The following XPO5 variants were observed in gnomAD, a reference collection of about 807,000 sequenced individuals.
XPO5 encodes the protein exportin 5, also known as exportin-5.
XPO5 carries 46 observed loss-of-function variants against 160.6 expected under a neutral mutation model. The ratio of observed to expected loss-of-function variants is 0.29; its 90% CI spans 0.23 to 0.37. XPO5 has a LOEUF of 0.37. XPO5 is among the 10% of genes least tolerant of loss of function. The pLI is 1.00. For synonymous variants in XPO5, 537 were observed against 519.3 expected (o/e 1.03, Z -0.46); for missense variants, 1,090 against 1,463.9 (o/e 0.74, Z 4.17).
chr6:43,562,333 C>G lies in XPO5; in HGVS notation c.925G>C (p.Gly309Arg). ...ACGTAGTGTTTTTCTACCAAACCTC[C>G]TCCATCAGCAGTCCTGTAAGATGAG... ...ILSAAQTADG[G>R]GLVEKHYVFL... is the part of the protein sequence containing the mutation. Residue 309 changes from glycine (G) to arginine (R), a missense_variant, in exon 9 of 32, where the codon GGA becomes CGA. By Grantham distance (125) the Gly-to-Arg change is moderately radical (BLOSUM62 -2). Transcript: ENST00000265351. 1 of 1,607,850 alleles carries G rather than the reference C, an allele frequency of 6.2e-7. No homozygotes were observed. The highest frequency in any genetic ancestry group is 8.5e-7 in the Non-Finnish European group (1 of 1,177,234).
At chr6:43,536,223 T>C (rs1290129507) in intron 20 of XPO5, among the ~76,000 whole-genome samples, 2 of 152,012 alleles carry the variant, frequency 1.3e-5, no homozygotes, top group Non-Finnish European at 2.9e-5. Flanking sequence ...GAGACCAGCC[T>C]GGCCAACATG....
chr6:43,549,659 G>A, intron 16 of XPO5, 81 bp from the exon 17 acceptor site: 1 of 1,473,042 alleles, frequency 6.8e-7, no homozygotes, highest in East Asian at 2.3e-5. Flanking sequence ...GAATATCTCA[G>A]TCAGGGGCAA....
At chr6:43,526,970 G>A in intron 26 of XPO5, 1 of 540,090 alleles carries the variant, frequency 1.9e-6, no homozygotes, top group Non-Finnish European at 3.4e-6. Context: ...GAAAATTACA[G>A]AATTCTCTGA....
intron 7 of XPO5, among the ~76,000 whole-genome samples, chr6:43,566,816 A>C (rs1225484386): frequency 6.0e-5 from 9 of 150,310 alleles, no homozygotes; most frequent in Non-Finnish European, 1.3e-4. Flanking sequence ...TCAATTAAAA[A>C]AAAAAAAAAA....
chr6:43,560,146 A>G (rs1279708334), intron 11 of XPO5, 32 bp downstream of exon 11: 2 of 1,606,290 alleles, frequency 1.2e-6, no homozygotes, highest in African/African-American at 1.3e-5. Context: ...GTATTCACCT[A>G]CATTCCACAT....
Position 43,553,403 on chromosome 6 carries a change from G to A in XPO5, c.1542C>T (p.Ile514=). The change falls in exon 14 of 32, where the codon ATC becomes ATT. Residue 514 remains isoleucine, a synonymous_variant. Coordinates refer to ENST00000265351, the MANE Select transcript of XPO5 (RefSeq NM_020750.3). ...EAMTLFLESV[I]TQMFRTLNRE... is the part of the protein sequence containing the mutation. ...TATTTAGTGTTCGAAACATCTGGGT[G>A]ATAACACTTTCCAAAAAAAGAGTCA... 2 of 1,607,832 alleles carry A rather than the reference G, an allele frequency of 1.2e-6. No homozygotes were observed. Among genetic ancestry groups the A allele is most frequent in the Non-Finnish European group, 1.7e-6 (2 of 1,176,998 alleles).
chr6:43,560,426 C>T, intron 10 of XPO5, 123 bp from the exon 11 acceptor site: 1 of 1,237,340 alleles, frequency 8.1e-7, no homozygotes, highest in East Asian at 2.6e-5. Flanking sequence ...TTGAAGCTGT[C>T]TCTACTGCAA....
intron 5 of XPO5, among the ~76,000 whole-genome samples, chr6:43,569,910 C>G: frequency 6.6e-6 from 1 of 150,890 alleles, no homozygotes; most frequent in East Asian, 1.9e-4. Context: ...CAGCGAAACT[C>G]CATCTCTACT....
At chr6:43,565,833 T>A (rs1762669304) in intron 7 of XPO5, 97 bp from the exon 8 acceptor site, 1 of 944,698 alleles carries the variant, frequency 1.1e-6, no homozygotes, top group African/African-American at 1.7e-5. Flanking sequence ...ACTTCATAAT[T>A]TCTTATATAC....
intron 31 of XPO5, among the ~76,000 whole-genome samples, 181 bp downstream of exon 31, chr6:43,524,290 T>G (rs1212175784): frequency 1.3e-5 from 2 of 150,660 alleles, no homozygotes; most frequent in Non-Finnish European, 2.9e-5. Flanking sequence ...AGGCGGAGGT[T>G]GTGGTGAGCT....
intron 7 of XPO5, chr6:43,566,703 G>T: frequency 3.2e-6 from 1 of 308,462 alleles, no homozygotes; most frequent in South Asian, 2.5e-5. Flanking sequence ...CTAGCTACTC[G>T]GGAAGCTGAG....
chr6:43,542,003 C>T (rs974033608), intron 20 of XPO5, among the ~76,000 whole-genome samples: 1 of 152,160 alleles, frequency 6.6e-6, no homozygotes, highest in African/African-American at 2.4e-5. Flanking sequence ...TGGTCTTGAA[C>T]TCTTGACCTC....
At position 43,567,237 on chromosome 6, in the gene XPO5, A is replaced by C. The variant is rs1762741740; in HGVS notation, c.766T>G (p.Leu256Val). The C allele has an allele frequency of 6.2e-7, 1 of 1,614,028 alleles. No homozygotes were observed. ...ENCKLLEILC[L>V]LLNEQELQLG... is the part of the protein sequence containing the mutation. ...TGAAGTTCCTGTTCATTCAACAGCA[A>C]ACACAGTATCTCCAGGAGTTTACAG... Residue 256 changes from leucine to valine, a missense_variant, in exon 7 of 32, where the codon TTG becomes GTG. This residue lies in a region of XPO5 where 110 missense variants were observed against 97.9 expected (regional missense o/e 1.12). Coordinates refer to ENST00000265351, the MANE Select transcript of XPO5 (RefSeq NM_020750.3).
rs1793786464 is a variant in XPO5 at position 43,529,177 on chromosome 6, TAGGAATA to T, written c.2678-259_2678-253del. The stretch of plus-strand genomic sequence containing the variant: ...ACATTATGGTCACTGGCCCAAAAAG[TAGGAATA>T]AAAAAATAGGAAGGAGGACATCCTT... On this transcript the variant is annotated intron_variant, in intron 23 of 31. Transcript: ENST00000265351. The T allele has an allele frequency of 2.7e-6, 4 of 1,471,222 alleles. No individual in the cohort carries two copies. In the East Asian group the frequency reaches 1.2e-4, roughly 42 times the overall value. 91.1% of individuals were successfully genotyped at this position (1,471,222 alleles called of 1,614,324 possible).
At chr6:43,539,062 G>A (rs1173872364) in intron 20 of XPO5, 62 of 1,512,314 alleles carry the variant, frequency 4.1e-5, no homozygotes, top group Non-Finnish European at 5.3e-5. Flanking sequence ...CAGCCATCAT[G>A]AGCAGCTTCT....
intron 5 of XPO5, among the ~76,000 whole-genome samples, chr6:43,569,998 CCTAT>C (rs1328226306): frequency 7.0e-6 from 1 of 143,404 alleles, no homozygotes; most frequent in African/African-American, 2.7e-5. Context: ...AGCCGAGATC[CCTAT>C]CTTTTTTTTT....
At chr6:43,557,113 G>A (rs1162778722) in intron 12 of XPO5, among the ~76,000 whole-genome samples, 4 of 124,232 alleles carry the variant, frequency 3.2e-5, no homozygotes, top group African/African-American at 1.0e-4. Context: ...GGGCGACAGA[G>A]CAAGACTCCA....
chr6:43,558,115 A>G (rs577047862), intron 12 of XPO5, among the ~76,000 whole-genome samples: 1 of 152,198 alleles, frequency 6.6e-6, no homozygotes, highest in East Asian at 1.9e-4. Flanking sequence ...AACAAACAAA[A>G]AGGAAATAAG....
At chr6:43,568,250 T>C (rs934485083) in intron 6 of XPO5, among the ~76,000 whole-genome samples, 2 of 151,994 alleles carry the variant, frequency 1.3e-5, no homozygotes, top group Admixed American at 6.5e-5. Flanking sequence ...GAGCTTGCAG[T>C]GAGCCGAGAT....
Sources: allele counts gnomAD v4.1 joint callset (sites outside exome capture counted in the v4.1 genomes callset), GRCh38; gene constraint gnomAD v4.1.1; regional missense constraint gnomAD v4.1.1; transcripts MANE v1.5; gene names NCBI Gene and HGNC (gene_info 2026-07-23, HGNC 2026-07-21).